FTCD: variants seen among roughly 807,000 people sequenced by gnomAD.
FTCD encodes formimidoyltransferase cyclodeaminase.
In FTCD, 76 loss-of-function variants were observed where a neutral mutation model predicts 62.9. That is an observed-to-expected ratio of 1.21 (90% confidence interval 1.00 to 1.46). The LOEUF (loss-of-function observed/expected upper bound fraction) is 1.46. Among genes scored for constraint, FTCD ranks in the 40% most tolerant of loss-of-function variants. The pLI is 0.00. For missense variants in FTCD, 845 were observed against 751.3 expected, an observed-to-expected ratio of 1.12 and a Z score of -1.46; for synonymous variants, 397 against 336.9, an observed-to-expected ratio of 1.18 and a Z score of -1.95.
In FTCD at chr21:46,138,430, G is replaced by A. The variant is rs527534248; in HGVS notation, c.1443+78C>T. 4.1e-5 allele frequency: 58 copies of A among 1,406,172 alleles called. No individual in the cohort carries two copies. In the East Asian group the frequency reaches 9.8e-4, roughly 24 times the overall value. The allele number at this position is 1,406,172 out of a possible 1,614,324, so 87.1% of individuals were successfully genotyped here. On this transcript the variant is annotated intron_variant, in intron 12 of 13. Coordinates refer to ENST00000397746, the MANE Select transcript of FTCD (RefSeq NM_206965.2). ...ACCTGGCTCAGCCCAGCCAACCACC[G>A]TGCTCTCCAGCAACTCAGCCCCAAC...
intron 10 of FTCD, among the ~76,000 whole-genome samples, chr21:46,141,496 C>T (rs1410923003): frequency 1.3e-5 from 2 of 152,012 alleles, no homozygotes; most frequent in Non-Finnish European, 2.9e-5. Context: ...AATGCCTGTC[C>T]GGGTCTAAAG....
At chr21:46,148,163 C>T (rs1441160639) in intron 7 of FTCD, among the ~76,000 whole-genome samples, 3 of 152,096 alleles carry the variant, frequency 2.0e-5, no homozygotes, top group Admixed American at 6.5e-5. Flanking sequence ...CTCCCCACAA[C>T]GTATTAATTG....
At chr21:46,140,274 A>C (rs2078967167) in intron 10 of FTCD, among the ~76,000 whole-genome samples, 1 of 140,844 alleles carries the variant, frequency 7.1e-6, no homozygotes, top group African/African-American at 2.7e-5. Flanking sequence ...GTCCACCTTC[A>C]CATTGTTCAC....
At position 46,136,964 on chromosome 21, in the gene FTCD, G is replaced by T; in HGVS notation, c.*23C>A. The T allele has an allele frequency of 6.2e-7, 1 of 1,612,868 alleles. No homozygotes were observed. On this transcript the variant is annotated 3_prime_UTR_variant, in exon 14 of 14. Transcript: ENST00000397746. ...GGATGGGCGAGGGAGGGGCCACAGA[G>T]CCCGGAGAGGCCTCCCGCACCGTCA...
At chr21:46,143,006 G>A (rs1359924374) in intron 10 of FTCD, among the ~76,000 whole-genome samples, 9 of 152,206 alleles carry the variant, frequency 5.9e-5, no homozygotes, top group Non-Finnish European at 4.4e-5. Flanking sequence ...AGTTCTCCAA[G>A]TCCCCACCAG....
chr21:46,152,151 T>G, intron 3 of FTCD, 171 bp from the exon 4 acceptor site: 2 of 587,514 alleles, frequency 3.4e-6, no homozygotes, highest in South Asian at 4.4e-5. Context: ...GTGGTCCCAG[T>G]GGACCCTCAG....
In FTCD at chr21:46,138,572, G is replaced by T. The variant is rs755986536; in HGVS notation, c.1379C>A (p.Ser460Ter). ...VPLTLAETVA[S>*]LWPALQELAR... is the part of the protein sequence containing the mutation. ...CAGTTCCTGCAGGGCCGGCCACAGC[G>T]AGGCCACCGTCTCCGCCAGCGTCAG... Residue 460 changes from serine (S) to a stop codon, truncating the protein, a stop_gained, in exon 12 of 14, where the codon TCG (serine) becomes TAG (stop). Transcript: ENST00000397746. LOFTEE classifies it high-confidence loss of function. 6.3e-7 allele frequency: 1 copy of T among 1,588,040 alleles called. No homozygotes were observed. Among genetic ancestry groups the T allele is most frequent in the Non-Finnish European group, 8.5e-7 (1 of 1,174,314 alleles).
rs1392525021 is a variant in FTCD at position 46,145,568 on chromosome 21, A to T, written c.1109T>A (p.Leu370Gln). The T allele has an allele frequency of 9.7e-6, 15 of 1,538,704 alleles. No homozygotes were observed. The highest frequency in any genetic ancestry group is 1.4e-5 in the African/African-American group (1 of 72,726). ...AAAAAAMGAA[L>Q]GSMVGLMTYG... ...GGTCATGAGGCCCACCATGGAGCCC[A>T]GCGCCGCACCCTGCGAGAGGGGTGG... The change falls in exon 10 of 14, where the codon CTG (leucine) becomes CAG (glutamine). Residue 370 changes from leucine (L) to glutamine (Q), a missense_variant. By Grantham distance (113) the Leu-to-Gln change is moderately radical. Coordinates refer to ENST00000397746, the MANE Select transcript of FTCD (RefSeq NM_206965.2).
rs752283011 is a variant in FTCD, at chr21:46,138,505, T to C, written c.1443+3A>G. ...AGGCCTGGGGTCCCCCGGGCCCCCC[T>C]ACCTGGAGGTCTGACCGGCAGGCCA... is the stretch of plus-strand genomic sequence containing the variant. On this transcript the variant is annotated splice_donor_region_variant and intron_variant, in intron 12 of 13. Coordinates refer to ENST00000397746, the MANE Select transcript of FTCD (RefSeq NM_206965.2). The C allele has an allele frequency of 3.2e-6, 5 of 1,582,736 alleles. No individual in the cohort carries two copies. The Admixed American group carries it at 8.8e-5, about 28-fold the overall frequency.
chr21:46,149,904 G>A (rs926177664), intron 7 of FTCD, among the ~76,000 whole-genome samples: 9 of 152,150 alleles, frequency 5.9e-5, no homozygotes, highest in Admixed American at 2.6e-4. Flanking sequence ...TGTCCTCTCC[G>A]TGGAATTTGC....
chr21:46,141,085 AATT>A (rs1346510010), intron 10 of FTCD, among the ~76,000 whole-genome samples: 3 of 152,124 alleles, frequency 2.0e-5, no homozygotes, highest in Non-Finnish European at 4.4e-5. Flanking sequence ...CTTGTTTTTT[AATT>A]ATTCACCTTA....
Position 46,145,539 on chromosome 21 carries a change from C to T in FTCD, c.1138G>A (p.Gly380Arg), listed in dbSNP as rs766121604. 7 of 1,546,328 alleles carry T rather than the reference C, an allele frequency of 4.5e-6. No individual in the cohort carries two copies. The highest frequency in any genetic ancestry group is 2.0e-5 in the Admixed American group (1 of 50,936). Reference sequence around the variant, plus strand: ...TCCAGGGACTGGAATTGGCGCCGCCCGTAGGTCATGAGGCCCACCATGGAG... The same window carrying T: ...TCCAGGGACTGGAATTGGCGCCGCCTGTAGGTCATGAGGCCCACCATGGAG... ...LGSMVGLMTY[G>R]RRQFQSLDTT... Residue 380 changes from glycine to arginine, a missense_variant, in exon 10 of 14, where the codon GGG becomes AGG. Coordinates refer to ENST00000397746, the MANE Select transcript of FTCD (RefSeq NM_206965.2).
intron 3 of FTCD, chr21:46,152,606 G>C: frequency 3.1e-6 from 1 of 322,348 alleles, no homozygotes; most frequent in Non-Finnish European, 5.7e-6. Context: ...TCATTTTCTT[G>C]ATTTAGTTAA....
At chr21:46,148,751 A>G (rs2079204361) in intron 7 of FTCD, among the ~76,000 whole-genome samples, 2 of 152,268 alleles carry the variant, frequency 1.3e-5, no homozygotes, top group African/African-American at 2.4e-5. Context: ...ATGAAGGACA[A>G]GGAAGACAGG....
At position 46,136,966 on chromosome 21, in the gene FTCD, C is replaced by T. The variant is rs368451297; in HGVS notation, c.*21G>A. On this transcript the variant is annotated 3_prime_UTR_variant, in exon 14 of 14. Transcript: ENST00000397746. ...ATGGGCGAGGGAGGGGCCACAGAGC[C>T]CGGAGAGGCCTCCCGCACCGTCACT... 1 of 1,612,942 alleles carries T rather than the reference C, an allele frequency of 6.2e-7. No homozygotes were observed. Among genetic ancestry groups the T allele is most frequent in the Non-Finnish European group, 8.5e-7 (1 of 1,179,954 alleles).
chr21:46,137,150 C>T, intron 13 of FTCD, 77 bp from the exon 14 acceptor site: 2 of 1,592,794 alleles, frequency 1.3e-6, no homozygotes, highest in Non-Finnish European at 1.7e-6. Context: ...CTCCGACCCC[C>T]ACTGCCCACA....
intron 2 of FTCD, among the ~76,000 whole-genome samples, chr21:46,153,929 C>T (rs1347644918): frequency 2.6e-5 from 4 of 152,032 alleles, no homozygotes; most frequent in African/African-American, 9.7e-5. Flanking sequence ...GCTGTGGGAG[C>T]GTGGCGACCT....
intron 10 of FTCD, 101 bp from the exon 11 acceptor site, chr21:46,139,024 C>CA: frequency 1.1e-6 from 1 of 902,660 alleles, no homozygotes; most frequent in Non-Finnish European, 1.9e-6. Flanking sequence ...ATGTCCCAGG[C>CA]AGGGACCAGT....
chr21:46,154,941 T>C (rs1052847214), intron 1 of FTCD, among the ~76,000 whole-genome samples: 2 of 152,226 alleles, frequency 1.3e-5, no homozygotes, highest in Non-Finnish European at 2.9e-5. Context: ...CGGAGGAGCC[T>C]GGACCTCAGG....
Sources: allele counts gnomAD v4.1 joint callset (sites outside exome capture counted in the v4.1 genomes callset), GRCh38; gene constraint gnomAD v4.1.1; transcripts MANE v1.5; gene names NCBI Gene and HGNC (gene_info 2026-07-23, HGNC 2026-07-21).